Variants in SOD2 observed in about 807,000 individuals in gnomAD.
SOD2 encodes the protein superoxide dismutase [Mn], mitochondrial.
SOD2 carries 11 observed loss-of-function variants against 27.0 expected under a neutral mutation model. The ratio of observed to expected loss-of-function variants is 0.41; its 90% CI spans 0.26 to 0.67. SOD2 has a LOEUF of 0.67. SOD2 is among the 30% of genes least tolerant of loss of function. The pLI, the probability that SOD2 is intolerant of heterozygous loss-of-function variation, is 0.34. For synonymous variants in SOD2, 105 were observed against 103.0 expected, an observed-to-expected ratio of 1.02 and a Z score of -0.12; for missense variants, 250 against 274.5, an observed-to-expected ratio of 0.91 and a Z score of 0.63.
At chr6:159,729,964 T>G (rs1025561176), upstream of SOD2, among the ~76,000 whole-genome samples, 1 of 152,216 alleles carries the variant, frequency 6.6e-6, no homozygotes, top group African/African-American at 2.4e-5. Context: ...CATACTAAGC[T>G]GTTTTTCTGT....
chr6:159,743,873 T>C, intron 1 of SOD2: 1 of 1,391,860 alleles, frequency 7.2e-7, no homozygotes, highest in Non-Finnish European at 9.5e-7. Flanking sequence ...ATTTTAAACA[T>C]TTAATGCTAA....
chr6:159,678,232 A>C lies in SOD2; in HGVS notation c.*4261T>G, dbSNP rs1779821470. On this transcript the variant is annotated 3_prime_UTR_variant, in exon 5 of 5. Coordinates refer to ENST00000538183, the MANE Select transcript of SOD2 (RefSeq NM_000636.4). ...CTGGCTGTTCATCTGTATTCTTTGAAATATCCTTTACAAGCCAGAGGCAAT... is the reference window on the plus strand; with the variant it reads ...CTGGCTGTTCATCTGTATTCTTTGACATATCCTTTACAAGCCAGAGGCAAT... 6.6e-6 allele frequency: 1 copy of C among 152,164 alleles called. No homozygotes were observed. Among genetic ancestry groups the C allele is most frequent in the Non-Finnish European group, 1.5e-5 (1 of 68,086 alleles). The allele number at this position is 152,164 out of a possible 1,614,324, so 9.4% of individuals were successfully genotyped here.
At chr6:159,758,114 G>T (rs1780051256) in intron 1 of SOD2, among the ~76,000 whole-genome samples, 1 of 152,172 alleles carries the variant, frequency 6.6e-6, no homozygotes. Flanking sequence ...AGAGGTGATA[G>T]AGTGGCTTCT....
chr6:159,710,085 A>G (rs561233405), intron 1 of SOD2, among the ~76,000 whole-genome samples: 3 of 117,576 alleles, frequency 2.6e-5, no homozygotes, highest in African/African-American at 9.9e-5. Context: ...GGACACAGGA[A>G]GAGGAACATC....
chr6:159,698,527 G>A (rs1385233997), intron 1 of SOD2, among the ~76,000 whole-genome samples: 3 of 135,004 alleles, frequency 2.2e-5, no homozygotes, highest in Non-Finnish European at 3.1e-5. Context: ...AGCTGAGATC[G>A]CGCCACTGCA....
chr6:159,755,763 TTC>T (rs1491029610), intron 1 of SOD2: 135 of 800,366 alleles, frequency 1.7e-4, no homozygotes, highest in African/African-American at 3.1e-4. Flanking sequence ...TTTTTTTCTT[TTC>T]TTTTTTTTTT....
chr6:159,685,835 T>C (rs1780164006), intron 3 of SOD2, among the ~76,000 whole-genome samples: 1 of 152,184 alleles, frequency 6.6e-6, no homozygotes, highest in African/African-American at 2.4e-5. Flanking sequence ...TCCAGCTGCG[T>C]AGTTCACATT....
At chr6:159,684,013 G>A (rs1780073032) in intron 4 of SOD2, among the ~76,000 whole-genome samples, 1 of 152,142 alleles carries the variant, frequency 6.6e-6, no homozygotes, top group South Asian at 2.1e-4. Flanking sequence ...ATACTCTTCA[G>A]TGACATTTTT....
Position 159,676,307 on chromosome 6 carries a change from T to C in SOD2, c.*6186A>G, listed in dbSNP as rs1562411028. 1 of 152,236 alleles carries C rather than the reference T, an allele frequency of 6.6e-6. No homozygotes were observed. Among genetic ancestry groups the C allele is most frequent in the African/African-American group, 2.4e-5 (1 of 41,466 alleles). 9.4% of individuals were successfully genotyped at this position (152,236 alleles called of 1,614,324 possible). A position where few individuals can be genotyped will look rare whatever the true frequency, so the allele number is the denominator to read the frequency against. On this transcript the variant is annotated 3_prime_UTR_variant, in exon 5 of 5. Transcript: ENST00000538183. Reference sequence around the variant, plus strand: ...AAAGACACATGCACACGTATATTTATTGTGGCACTGTTCACAATAGCAAAG... The same window carrying C: ...AAAGACACATGCACACGTATATTTACTGTGGCACTGTTCACAATAGCAAAG...
At position 159,713,317 on chromosome 6, in the gene SOD2, C is replaced by T. The variant is rs1466711233; in HGVS notation, c.-116+13812G>A. 3 of 657,240 alleles carry T rather than the reference C, an allele frequency of 4.6e-6. No individual in the cohort carries two copies. In the African/African-American group the frequency reaches 5.4e-5, roughly 12 times the overall value. 40.7% of individuals were successfully genotyped at this position (657,240 alleles called of 1,614,324 possible). ...AGGGACCCTGCCTCATCTTTTCAAA[C>T]CCAGCTCCTCTGCCAATGCTATTAC... On this transcript the variant is annotated intron_variant, in intron 1 of 2. Coordinates refer to the SOD2 transcript ENST00000401980.
chr6:159,718,107 C>G (rs1777958360), intron 1 of SOD2, among the ~76,000 whole-genome samples: 1 of 152,098 alleles, frequency 6.6e-6, no homozygotes, highest in Admixed American at 6.6e-5. Context: ...ATCTTCTCAC[C>G]TCAGCCTCCC....
rs1779757303 is a variant in SOD2 at position 159,675,446 on chromosome 6, C to T, written c.*7047G>A. The T allele has an allele frequency of 6.6e-6, 1 of 152,104 alleles. No homozygotes were observed. Among genetic ancestry groups the T allele is most frequent in the African/African-American group, 2.4e-5 (1 of 41,420 alleles). 9.4% of individuals were successfully genotyped at this position (152,104 alleles called of 1,614,324 possible). A position where few individuals can be genotyped will look rare whatever the true frequency, so the allele number is the denominator to read the frequency against. On this transcript the variant is annotated 3_prime_UTR_variant, in exon 5 of 5. Coordinates refer to ENST00000538183, the MANE Select transcript of SOD2 (RefSeq NM_000636.4). ...CAGAGCCCTCAGAAATAATACCACA[C>T]ATCTACAACTATCTGATCTTTGAGA...
chr6:159,706,912 A>T (rs1206035904), intron 1 of SOD2, among the ~76,000 whole-genome samples: 1 of 152,188 alleles, frequency 6.6e-6, no homozygotes, highest in Admixed American at 6.5e-5. Flanking sequence ...AATTATAACA[A>T]ACTGTCTCTC....
At chr6:159,710,404 G>T (rs1354231805) in intron 1 of SOD2, among the ~76,000 whole-genome samples, 1 of 151,742 alleles carries the variant, frequency 6.6e-6, no homozygotes, top group Admixed American at 6.6e-5. Context: ...AGCCAAGATC[G>T]TGCCACTGCA....
intron 2 of SOD2, 129 bp downstream of exon 2, chr6:159,692,532 T>C (rs954046962): frequency 3.4e-6 from 5 of 1,492,434 alleles, no homozygotes; most frequent in African/African-American, 1.4e-5. Flanking sequence ...CTATCGTGCC[T>C]GGAAAACTCG....
At chr6:159,707,174 C>A (rs575069063) in intron 1 of SOD2, among the ~76,000 whole-genome samples, 1 of 152,106 alleles carries the variant, frequency 6.6e-6, no homozygotes, top group South Asian at 2.1e-4. Flanking sequence ...CAGGAAAGAT[C>A]TAAAATTGAT....
rs1779759510 is a variant in SOD2, at chr6:159,675,532, A to T, written c.*6961T>A. The T allele has an allele frequency of 6.6e-6, 1 of 152,224 alleles. No homozygotes were observed. Among genetic ancestry groups the T allele is most frequent in the Non-Finnish European group, 1.5e-5 (1 of 68,038 alleles). The allele number at this position is 152,224 out of a possible 1,614,324, so 9.4% of individuals were successfully genotyped here. ...CTATTTAATAAATGGTGCTGGGAAAACTGGCTAGCCACATGTAGAAAGCTG... is the reference window on the plus strand; with the variant it reads ...CTATTTAATAAATGGTGCTGGGAAATCTGGCTAGCCACATGTAGAAAGCTG... On this transcript the variant is annotated 3_prime_UTR_variant, in exon 5 of 5. Transcript: ENST00000538183.
rs28662077 is a variant in SOD2, at chr6:159,712,465, A to G, written c.-116+14664T>C. 7.5e-4 allele frequency among the ~76,000 whole-genome samples: 32 copies of G among 42,438 alleles called. 5 individuals are homozygous for G. Among genetic ancestry groups the G allele is most frequent in the Admixed American group, 2.0e-3 (6 of 3,002 alleles). 27.8% of individuals were successfully genotyped at this position (42,438 alleles called of 152,430 possible). A position where few individuals can be genotyped will look rare whatever the true frequency, so the allele number is the denominator to read the frequency against. ...TCACACTGCTCAGACCTCCATAACCACCTCCATAACCACCACTCAGCTGCT... is the reference window on the plus strand; with the variant it reads ...TCACACTGCTCAGACCTCCATAACCGCCTCCATAACCACCACTCAGCTGCT... On this transcript the variant is annotated intron_variant, in intron 1 of 2. Transcript: ENST00000401980.
chr6:159,675,522 T>C lies in SOD2; in HGVS notation c.*6971A>G, dbSNP rs2114749778. ...AAAGGATTCCCTATTTAATAAATGGTGCTGGGAAAACTGGCTAGCCACATG... is the reference window on the plus strand; with the variant it reads ...AAAGGATTCCCTATTTAATAAATGGCGCTGGGAAAACTGGCTAGCCACATG... On this transcript the variant is annotated 3_prime_UTR_variant, in exon 5 of 5. Transcript: ENST00000538183. The C allele has an allele frequency of 6.6e-6, 1 of 152,238 alleles. No homozygotes were observed. The highest frequency in any genetic ancestry group is 3.4e-3 in the Middle Eastern group (1 of 294). 9.4% of individuals were successfully genotyped at this position (152,238 alleles called of 1,614,324 possible).
Sources: allele counts gnomAD v4.1 joint callset (sites outside exome capture counted in the v4.1 genomes callset), GRCh38; gene constraint gnomAD v4.1.1; transcripts MANE v1.5; gene names NCBI Gene and HGNC (gene_info 2026-07-23, HGNC 2026-07-21).